Variants in MACROD2 observed in about 807,000 individuals in gnomAD.
MACROD2 encodes the protein mono-ADP ribosylhydrolase 2.
MACROD2 carries 36 observed loss-of-function variants against 70.4 expected under a neutral mutation model. The observed-to-expected ratio is 0.51, with a 90% confidence interval of 0.39 to 0.68. The LOEUF (loss-of-function observed/expected upper bound fraction) is 0.68. Ranked by LOEUF, MACROD2 falls within the 30% of genes least tolerant of loss-of-function variation. The probability of loss-of-function intolerance (pLI) is 0.00; values close to 1 mark genes in which losing one functional copy is unlikely to be tolerated. For missense variants in MACROD2, 496 were observed against 538.4 expected (o/e 0.92, Z 0.78); for synonymous variants, 172 against 178.8 (o/e 0.96, Z 0.30).
rs569953592 is a variant in MACROD2, at chr20:15,202,815, G to A, written c.419-27125G>A. Among the ~76,000 whole-genome samples, 7 of 152,258 alleles carry A rather than the reference G, an allele frequency of 4.6e-5. No individual in the cohort carries two copies. In the East Asian group the frequency reaches 1.3e-3, roughly 29 times the overall value. The stretch of plus-strand genomic sequence containing the variant: ...CATCATCAGGTTAGAGTATGTCAGT[G>A]TAGACAGAAAGAAAAAGGAAAGTCA... On this transcript the variant is annotated intron_variant, in intron 5 of 17. Transcript: ENST00000684519.
intron 3 of MACROD2, among the ~76,000 whole-genome samples, chr20:14,273,428 G>A (rs1317558898): frequency 2.0e-5 from 3 of 148,874 alleles, no homozygotes; most frequent in African/African-American, 7.5e-5. Flanking sequence ...CAGAAATAAA[G>A]ATGTTCTTTG....
intron 3 of MACROD2, among the ~76,000 whole-genome samples, chr20:14,319,724 C>G (rs989981376): frequency 2.0e-5 from 3 of 152,126 alleles, no homozygotes; most frequent in Non-Finnish European, 2.9e-5. Context: ...TACTTTCCTT[C>G]CTTGACTCCA....
At chr20:14,835,226 C>T (rs978525002) in intron 5 of MACROD2, among the ~76,000 whole-genome samples, 2 of 152,046 alleles carry the variant, frequency 1.3e-5, no homozygotes, top group Admixed American at 1.3e-4. Flanking sequence ...AAGTCAACCT[C>T]CCTGGACAGG....
intron 8 of MACROD2, among the ~76,000 whole-genome samples, chr20:15,827,001 G>A (rs1410446623): frequency 6.6e-6 from 1 of 152,156 alleles, no homozygotes; most frequent in Non-Finnish European, 1.5e-5. Context: ...CCTGAATTAT[G>A]GTAAATAGTG....
At chr20:15,567,752 C>T (rs966352951) in intron 8 of MACROD2, among the ~76,000 whole-genome samples, 5 of 152,174 alleles carry the variant, frequency 3.3e-5, no homozygotes, top group South Asian at 2.1e-4. Flanking sequence ...GAGTGAAACT[C>T]GCACTGGGTA....
At chr20:14,799,040 T>C (rs1381250092) in intron 5 of MACROD2, among the ~76,000 whole-genome samples, 1 of 152,014 alleles carries the variant, frequency 6.6e-6, no homozygotes, top group African/African-American at 2.4e-5. Context: ...ATTTATGATA[T>C]CTTTTAACAT....
chr20:14,772,808 G>T (rs1382676146), intron 5 of MACROD2, among the ~76,000 whole-genome samples: 4 of 152,072 alleles, frequency 2.6e-5, no homozygotes, highest in Non-Finnish European at 5.9e-5. Context: ...TGACATAAAA[G>T]AGAAAAGTAG....
chr20:15,703,967 A>G (rs1176330001), intron 8 of MACROD2, among the ~76,000 whole-genome samples: 2 of 152,164 alleles, frequency 1.3e-5, no homozygotes, highest in African/African-American at 2.4e-5. Context: ...TATTTCAGCA[A>G]TATTATATTT....
intron 4 of MACROD2, among the ~76,000 whole-genome samples, chr20:14,670,647 C>G (rs566539322): frequency 6.6e-6 from 1 of 152,286 alleles, no homozygotes; most frequent in African/African-American, 2.4e-5. Context: ...CATCAGGCTT[C>G]AAGTTACAGA....
intron 2 of MACROD2, among the ~76,000 whole-genome samples, chr20:14,034,504 C>T (rs2053284732): frequency 1.3e-5 from 2 of 152,310 alleles, no homozygotes; most frequent in Admixed American, 1.3e-4. Context: ...AATTGACAGA[C>T]GTTTTTAGTT....
intron 3 of MACROD2, among the ~76,000 whole-genome samples, chr20:14,165,907 T>A (rs1204075810): frequency 6.6e-6 from 1 of 152,230 alleles, no homozygotes; most frequent in East Asian, 1.9e-4. Flanking sequence ...GGCATTAGGC[T>A]CTAAATTCTA....
chr20:14,816,719 A>G (rs1282140867), intron 5 of MACROD2, among the ~76,000 whole-genome samples: 1 of 152,026 alleles, frequency 6.6e-6, no homozygotes, highest in Non-Finnish European at 1.5e-5. Context: ...AAGGAGAGGA[A>G]TTGCGGTGCA....
Position 15,479,033 on chromosome 20 carries a change from C to T in MACROD2, c.572-20741C>T, listed in dbSNP as rs567216421. Among the ~76,000 whole-genome samples the T allele has an allele frequency of 3.9e-5, 6 of 152,288 alleles. No homozygotes were observed. In the East Asian group the frequency reaches 1.2e-3, roughly 29 times the overall value. ...TTCATGCATCTGGCAGAAAATTGAG[C>T]ATATTGGTAAAGCACTAAAGACTTC... On this transcript the variant is annotated intron_variant, in intron 7 of 17. Coordinates refer to ENST00000684519, the MANE Select transcript of MACROD2 (RefSeq NM_001351661.2).
At chr20:14,028,633 C>T (rs3848778) in intron 2 of MACROD2, among the ~76,000 whole-genome samples, 86,083 of 151,886 alleles carry the variant, frequency 0.57, 25,072 homozygotes, top group Non-Finnish European at 0.63. Flanking sequence ...ATGCACCATT[C>T]CTCATGGCAC....
At chr20:14,452,261 C>T (rs1166025844) in intron 3 of MACROD2, among the ~76,000 whole-genome samples, 1 of 151,746 alleles carries the variant, frequency 6.6e-6, no homozygotes, top group Non-Finnish European at 1.5e-5. Flanking sequence ...GTCTCATTTT[C>T]AATGTGTTAA....
intron 8 of MACROD2, among the ~76,000 whole-genome samples, chr20:15,720,076 C>T (rs531739612): frequency 6.6e-6 from 1 of 152,270 alleles, no homozygotes; most frequent in East Asian, 1.9e-4. Flanking sequence ...CTGCTTATTT[C>T]ACTTAATGTA....
intron 3 of MACROD2, among the ~76,000 whole-genome samples, chr20:14,177,550 A>G (rs1348993985): frequency 1.3e-5 from 2 of 152,078 alleles, no homozygotes; most frequent in Non-Finnish European, 2.9e-5. Flanking sequence ...CTCCAACCTC[A>G]GGTGATCTGC....
intron 5 of MACROD2, among the ~76,000 whole-genome samples, chr20:15,061,396 C>T (rs1177462159): frequency 6.6e-6 from 1 of 152,178 alleles, no homozygotes; most frequent in Non-Finnish European, 1.5e-5. Flanking sequence ...TGGATACCTA[C>T]CCGAGTGTGT....
chr20:14,057,834 G>A (rs923358326), intron 2 of MACROD2, among the ~76,000 whole-genome samples: 18 of 152,068 alleles, frequency 1.2e-4, no homozygotes, highest in African/African-American at 3.6e-4. Context: ...ATAGTAATGC[G>A]TACAGCAATA....
Sources: allele counts gnomAD v4.1 joint callset (sites outside exome capture counted in the v4.1 genomes callset), GRCh38; gene constraint gnomAD v4.1.1; transcripts MANE v1.5; gene names NCBI Gene and HGNC (gene_info 2026-07-23, HGNC 2026-07-21).